TBC1D32: variants seen among roughly 807,000 people sequenced by gnomAD.
TBC1D32 encodes the protein protein broad-minded.
A neutral mutation model predicts 170.3 loss-of-function variants in TBC1D32; 151 were observed. That is an observed-to-expected ratio of 0.89 (90% CI 0.78 to 1.01). TBC1D32 has a LOEUF of 1.01. Ranked by LOEUF, TBC1D32 falls within the 50% of genes least tolerant of loss-of-function variation. TBC1D32 has a pLI of 0.00. For synonymous variants in TBC1D32, 498 were observed against 488.0 expected (o/e 1.02, Z -0.27); for missense variants, 1,464 against 1,457.1 (o/e 1.00, Z -0.08).
chr6:121,281,631 T>C lies in TBC1D32; in HGVS notation c.1521A>G (p.Gln507=), dbSNP rs748039702. The C allele has an allele frequency of 1.6e-5, 26 of 1,607,176 alleles. No individual in the cohort carries two copies. In the South Asian group the frequency reaches 2.7e-4, roughly 16 times the overall value. ...ATAAGCATTCCACTGCACATTCTTT[T>C]TGATCACTGAGTATCCACAGAACTT... is the stretch of plus-strand genomic sequence containing the variant. The part of the protein sequence containing the change: ...VTEVLWILSD[Q]KECAVECLYN... The change falls in exon 14 of 32, where the codon CAA becomes CAG. Residue 507 remains glutamine, a synonymous_variant. Coordinates refer to ENST00000398212, the MANE Select transcript of TBC1D32 (RefSeq NM_152730.6).
chr6:121,323,110 G>A lies in TBC1D32; in HGVS notation c.156-1316C>T, dbSNP rs75272241. ...AATACTCCCAAACTTGACAACATAGGATGCTCTTTAATGTCTGCATCTTCT... is the reference window on the plus strand; with the variant it reads ...AATACTCCCAAACTTGACAACATAGAATGCTCTTTAATGTCTGCATCTTCT... On this transcript the variant is annotated intron_variant, in intron 1 of 31. Transcript: ENST00000398212. Among the ~76,000 whole-genome samples the A allele has an allele frequency of 4.4e-3, 668 of 152,210 alleles. 9 individuals carry two copies. The highest frequency in any genetic ancestry group is 0.015 in the African/African-American group (632 of 41,520).
intron 9 of TBC1D32, 44 bp downstream of exon 9, chr6:121,303,573 T>A (rs775341140): frequency 1.4e-6 from 2 of 1,398,248 alleles, no homozygotes; most frequent in African/African-American, 2.8e-5. Flanking sequence ...TAAAATGATA[T>A]AGCAATGCAC....
At chr6:121,325,275 T>C (rs1457466224) in intron 1 of TBC1D32, among the ~76,000 whole-genome samples, 1 of 150,568 alleles carries the variant, frequency 6.6e-6, no homozygotes, top group Non-Finnish European at 1.5e-5. Context: ...AGGAACCCAA[T>C]GAATCAAGAA....
intron 1 of TBC1D32, among the ~76,000 whole-genome samples, chr6:121,333,682 A>G (rs6929839): frequency 0.97 from 147,552 of 152,294 alleles, 71,687 homozygotes; most frequent in East Asian, 1. Context: ...CTTTCAAAGA[A>G]CATGAATAAT....
In TBC1D32 at chr6:121,242,284, T is replaced by A. The variant is rs937959368; in HGVS notation, c.2074A>T (p.Lys692Ter). The A allele has an allele frequency of 4.3e-6, 7 of 1,612,862 alleles. No individual in the cohort carries two copies. Among genetic ancestry groups the A allele is most frequent in the Non-Finnish European group, 5.9e-6 (7 of 1,179,328 alleles). ...DDLLHFAATP[K>*]GLLLLQRTGA... ...GTTCTTTGAAGAAGTAGTAATCCTT[T>A]GGGGGTGGCAGCAAAATGTAGTAAA... is the stretch of plus-strand genomic sequence containing the variant. Residue 692 changes from lysine to a stop codon, truncating the protein, a stop_gained, in exon 18 of 32, where the codon AAA becomes TAA. Transcript: ENST00000398212. LOFTEE classifies it high-confidence loss of function.
chr6:121,331,005 G>A (rs1811144347), intron 1 of TBC1D32, among the ~76,000 whole-genome samples: 1 of 152,190 alleles, frequency 6.6e-6, no homozygotes, highest in South Asian at 2.1e-4. Flanking sequence ...GAAAAGCAGA[G>A]ATAGTATGTT....
intron 24 of TBC1D32, among the ~76,000 whole-genome samples, chr6:121,140,909 G>A (rs1262920006): frequency 6.6e-6 from 1 of 152,086 alleles, no homozygotes; most frequent in Non-Finnish European, 1.5e-5. Flanking sequence ...TTCCAAATAT[G>A]AGTAAAAATT....
chr6:121,315,548 T>C (rs1808806864), intron 3 of TBC1D32, among the ~76,000 whole-genome samples: 1 of 152,172 alleles, frequency 6.6e-6, no homozygotes, highest in African/African-American at 2.4e-5. Flanking sequence ...GTAATAACAA[T>C]GAATTAAAGC....
chr6:121,190,914 C>A (rs1414206242), intron 22 of TBC1D32, among the ~76,000 whole-genome samples: 1 of 151,270 alleles, frequency 6.6e-6, no homozygotes, highest in African/African-American at 2.5e-5. Context: ...GCCACTTTCT[C>A]CTAGTACTAA....
chr6:121,290,785 T>C lies in TBC1D32; in HGVS notation c.1372+1268A>G, dbSNP rs1396773836. ...ACAATGATAGACTGGATTAAGAAAATGTGGCACACATACACCATGGAATAC... is the reference window on the plus strand; with the variant it reads ...ACAATGATAGACTGGATTAAGAAAACGTGGCACACATACACCATGGAATAC... On this transcript the variant is annotated intron_variant, in intron 12 of 31. Transcript: ENST00000398212. 1.1e-4 allele frequency among the ~76,000 whole-genome samples: 17 copies of C among 151,548 alleles called. 1 individual carries two copies. Among genetic ancestry groups the C allele is most frequent in the Admixed American group, 9.2e-4 (14 of 15,144 alleles).
Position 121,283,854 on chromosome 6 carries a change from G to C in TBC1D32, c.1429C>G (p.Pro477Ala), listed in dbSNP as rs774060292. The stretch of plus-strand genomic sequence containing the variant: ...GCTGATGTCATCTTTGGACAACTTG[G>C]TGAGTAATAGATAAGTTGGGTAAAA... ...VLFTQLIYYS[P>A]SCPKMTSAAH... The change falls in exon 13 of 32, where the codon CCA becomes GCA. Residue 477 changes from proline (P) to alanine (A), a missense_variant. This residue lies in a region of TBC1D32 where 1,363 missense variants were observed against 1,338.1 expected (regional missense o/e 1.02). Coordinates refer to ENST00000398212, the MANE Select transcript of TBC1D32 (RefSeq NM_152730.6). 6.2e-7 allele frequency: 1 copy of C among 1,611,188 alleles called. No individual in the cohort carries two copies. Among genetic ancestry groups the C allele is most frequent in the Non-Finnish European group, 8.5e-7 (1 of 1,178,374 alleles).
intron 22 of TBC1D32, 98 bp downstream of exon 22, chr6:121,204,977 T>C (rs1179279188): frequency 7.9e-6 from 5 of 633,830 alleles, no homozygotes; most frequent in Non-Finnish European, 1.3e-5. Context: ...CTTTTAAATA[T>C]TAGCTAATTT....
At chr6:121,097,486 C>T (rs1777558489) in intron 30 of TBC1D32, among the ~76,000 whole-genome samples, 1 of 152,146 alleles carries the variant, frequency 6.6e-6, no homozygotes, top group Non-Finnish European at 1.5e-5. Context: ...ATCAAAACCA[C>T]AATGAGATAC....
intron 31 of TBC1D32, 27 bp from the exon 32 acceptor site, chr6:121,080,917 A>G (rs1452864351): frequency 6.2e-7 from 1 of 1,603,970 alleles, no homozygotes; most frequent in East Asian, 2.2e-5. Flanking sequence ...AGGGAAAATT[A>G]TTTACTTGAG....
At chr6:121,131,549 C>T in intron 25 of TBC1D32, 78 bp downstream of exon 25, 2 of 1,458,580 alleles carry the variant, frequency 1.4e-6, no homozygotes, top group Non-Finnish European at 1.9e-6. Flanking sequence ...TATGCCAATA[C>T]TAATCTTTAA....
intron 17 of TBC1D32, among the ~76,000 whole-genome samples, chr6:121,243,716 A>T (rs967403798): frequency 2.6e-5 from 4 of 152,092 alleles, no homozygotes; most frequent in Admixed American, 1.3e-4. Flanking sequence ...AAAAACATAC[A>T]TAACATGAAA....
chr6:121,092,184 A>T (rs192160671), intron 30 of TBC1D32, among the ~76,000 whole-genome samples: 1 of 152,152 alleles, frequency 6.6e-6, no homozygotes, highest in African/African-American at 2.4e-5. Flanking sequence ...GTCATAAGAA[A>T]CAAACACAAC....
intron 22 of TBC1D32, among the ~76,000 whole-genome samples, chr6:121,191,120 T>C (rs1158393017): frequency 1.3e-5 from 2 of 152,170 alleles, no homozygotes; most frequent in Admixed American, 6.5e-5. Flanking sequence ...ATATGTAATA[T>C]ACATTTACAT....
At position 121,157,205 on chromosome 6, in the gene TBC1D32, T is replaced by C. The variant is rs568391520; in HGVS notation, c.2773+2805A>G. ...TCTGAGTGCTCTAATGTTGAGTGCA[T>C]ACATATGTAGGATAGCTAAGTCTTC... is the stretch of plus-strand genomic sequence containing the variant. On this transcript the variant is annotated intron_variant, in intron 24 of 31. Transcript: ENST00000398212. Among the ~76,000 whole-genome samples the C allele has an allele frequency of 2.6e-4, 39 of 152,330 alleles. No individual in the cohort carries two copies. The Middle Eastern group carries it at 0.01, about 40-fold the overall frequency.
Sources: allele counts gnomAD v4.1 joint callset (sites outside exome capture counted in the v4.1 genomes callset), GRCh38; gene constraint gnomAD v4.1.1; regional missense constraint gnomAD v4.1.1; transcripts MANE v1.5; gene names NCBI Gene and HGNC (gene_info 2026-07-23, HGNC 2026-07-21).